Variants in CCDC60 observed in about 807,000 individuals in gnomAD.
The protein encoded by CCDC60 is coiled-coil domain-containing protein 60.
CCDC60 carries 54 observed loss-of-function variants against 63.5 expected under a neutral mutation model. That is an observed-to-expected ratio of 0.85 (90% CI 0.68 to 1.07). The LOEUF is 1.07. CCDC60 is among the 50% of genes least tolerant of loss of function. The pLI is 0.00. For missense variants in CCDC60, 651 were observed against 684.3 expected (o/e 0.95, Z 0.54); for synonymous variants, 206 against 238.8 (o/e 0.86, Z 1.27).
In CCDC60 at chr12:119,375,909, A is replaced by T. The variant is rs7973928; in HGVS notation, c.90+40643A>T. 6.7e-3 allele frequency among the ~76,000 whole-genome samples: 1,015 copies of T among 152,310 alleles called. 8 individuals carry two copies. Among genetic ancestry groups the T allele is most frequent in the African/African-American group, 0.023 (970 of 41,558 alleles). The stretch of plus-strand genomic sequence containing the variant: ...CCCTCCCTTGAAGCTCTTAGTATAA[A>T]GTCTGACAAACGTGGAGCCACCTAA... On this transcript the variant is annotated intron_variant, in intron 1 of 13. Transcript: ENST00000327554.
At chr12:119,487,507 CA>C (rs2136371922) in intron 4 of CCDC60, among the ~76,000 whole-genome samples, 1 of 152,014 alleles carries the variant, frequency 6.6e-6, no homozygotes, top group East Asian at 1.9e-4. Context: ...CCATGTTGGC[CA>C]GGCTGGTCTT....
intron 1 of CCDC60, among the ~76,000 whole-genome samples, chr12:119,366,472 C>CA (rs1565972831): frequency 6.6e-6 from 1 of 152,178 alleles, no homozygotes; most frequent in Non-Finnish European, 1.5e-5. Context: ...CCTGAATCCA[C>CA]ACTTCTCCTG....
chr12:119,453,951 G>A (rs1233111319), intron 2 of CCDC60, among the ~76,000 whole-genome samples: 2 of 152,264 alleles, frequency 1.3e-5, no homozygotes, highest in African/African-American at 4.8e-5. Context: ...AAATGATAAT[G>A]TTACCATGTA....
At chr12:119,476,827 CAG>C (rs1442980564) in intron 3 of CCDC60, among the ~76,000 whole-genome samples, 2 of 152,174 alleles carry the variant, frequency 1.3e-5, no homozygotes, top group East Asian at 1.9e-4. Context: ...GCCTCCTCTA[CAG>C]AGTCTTTACA....
At chr12:119,475,603 A>G (rs1951158872) in intron 3 of CCDC60, among the ~76,000 whole-genome samples, 1 of 152,196 alleles carries the variant, frequency 6.6e-6, no homozygotes, top group Non-Finnish European at 1.5e-5. Flanking sequence ...AAACAGCATT[A>G]GGAGATTGTC....
chr12:119,403,083 C>G (rs1007997735), intron 1 of CCDC60, among the ~76,000 whole-genome samples: 1 of 152,186 alleles, frequency 6.6e-6, no homozygotes, highest in African/African-American at 2.4e-5. Flanking sequence ...GCAGGCTTTA[C>G]CAAGTTGATG....
In CCDC60 at chr12:119,410,708, T is replaced by C. The variant is rs7303237; in HGVS notation, c.91-17975T>C. ...CTCACCCATCACAGTTCTTGGATGA[T>C]ATCCCCATAACAAAAGACGTATTAA... is the stretch of plus-strand genomic sequence containing the variant. On this transcript the variant is annotated intron_variant, in intron 1 of 13. Coordinates refer to ENST00000327554, the MANE Select transcript of CCDC60 (RefSeq NM_178499.5). This position sits in a 1 kb window ranked among gnomAD's most constrained non-coding sequence, Gnocchi z 4.0. Among the ~76,000 whole-genome samples, 20,413 of 152,104 alleles carry C rather than the reference T, an allele frequency of 0.13. 1,727 individuals are homozygous for C. Among genetic ancestry groups the C allele is most frequent in the African/African-American group, 0.23 (9,492 of 41,454 alleles).
intron 1 of CCDC60, among the ~76,000 whole-genome samples, chr12:119,415,066 A>G (rs1367872711): frequency 1.3e-5 from 2 of 152,224 alleles, no homozygotes; most frequent in Non-Finnish European, 2.9e-5. Context: ...GCAATTCTTC[A>G]ATAATTTGTC....
rs952658968 is a variant in CCDC60 at position 119,349,266 on chromosome 12, T to C, written c.90+14000T>C. 5.9e-5 allele frequency among the ~76,000 whole-genome samples: 9 copies of C among 151,958 alleles called. No homozygotes were observed. In the East Asian group the frequency reaches 1.7e-3, roughly 29 times the overall value. On this transcript the variant is annotated intron_variant, in intron 1 of 13. Coordinates refer to ENST00000327554, the MANE Select transcript of CCDC60 (RefSeq NM_178499.5). The stretch of plus-strand genomic sequence containing the variant: ...GAAGCTTTGGGGGATAGAAAAAACA[T>C]TGACTGCATCTTATAACTGTTCACT...
intron 1 of CCDC60, among the ~76,000 whole-genome samples, chr12:119,369,380 G>T (rs1439039831): frequency 1.3e-5 from 2 of 152,186 alleles, no homozygotes; most frequent in Non-Finnish European, 2.9e-5. Context: ...CCTGGGGGAT[G>T]GGGGAAGCTT....
intron 1 of CCDC60, among the ~76,000 whole-genome samples, chr12:119,354,768 A>G (rs528113215): frequency 1.6e-3 from 241 of 152,328 alleles, no homozygotes; most frequent in Middle Eastern, 0.01. Flanking sequence ...TGCTGCTCCA[A>G]CCAGGGTCAC....
intron 2 of CCDC60, among the ~76,000 whole-genome samples, chr12:119,457,379 G>C (rs1429939941): frequency 3.3e-5 from 5 of 152,222 alleles, no homozygotes; most frequent in Non-Finnish European, 7.3e-5. Flanking sequence ...TCAGAAAGGA[G>C]AGAAATCCAT....
intron 2 of CCDC60, among the ~76,000 whole-genome samples, chr12:119,467,596 G>T (rs1950975406): frequency 6.6e-6 from 1 of 152,206 alleles, no homozygotes; most frequent in South Asian, 2.1e-4. Context: ...CTGATCTTGG[G>T]CTTCCAGCCT....
Position 119,426,397 on chromosome 12 carries a change from C to T in CCDC60, c.91-2286C>T, listed in dbSNP as rs184102924. Among the ~76,000 whole-genome samples, 213 of 151,966 alleles carry T rather than the reference C, an allele frequency of 1.4e-3. 2 individuals carry two copies. The highest frequency in any genetic ancestry group is 5.0e-3 in the Admixed American group (76 of 15,260). On this transcript the variant is annotated intron_variant, in intron 1 of 13. Coordinates refer to ENST00000327554, the MANE Select transcript of CCDC60 (RefSeq NM_178499.5). ...TTTGAGAGAGGGTCTCGCTCTGTCA[C>T]CAGGCTGCACTGCAGTGGCGCGATC... is the stretch of plus-strand genomic sequence containing the variant.
At chr12:119,528,916 C>T (rs1952764177) in intron 12 of CCDC60, among the ~76,000 whole-genome samples, 170 bp downstream of exon 12, 1 of 152,078 alleles carries the variant, frequency 6.6e-6, no homozygotes, top group Admixed American at 6.5e-5. Context: ...AAATCCAGAG[C>T]ACAATCAGGC....
intron 1 of CCDC60, among the ~76,000 whole-genome samples, chr12:119,428,276 G>T (rs1956934608): frequency 6.6e-6 from 1 of 152,176 alleles, no homozygotes; most frequent in South Asian, 2.1e-4. Flanking sequence ...TTGCTCTAAA[G>T]TGTAATGCTT....
At chr12:119,341,902 C>A (rs1955536854) in intron 1 of CCDC60, among the ~76,000 whole-genome samples, 1 of 152,112 alleles carries the variant, frequency 6.6e-6, no homozygotes, top group Non-Finnish European at 1.5e-5. Flanking sequence ...GGTTTGAGTT[C>A]CTTGGATTTA....
At chr12:119,485,880 C>A (rs978508574) in intron 4 of CCDC60, among the ~76,000 whole-genome samples, 7 of 152,156 alleles carry the variant, frequency 4.6e-5, no homozygotes, top group Non-Finnish European at 1.0e-4. Flanking sequence ...TTGTCATCTG[C>A]AGAAATGAAT....
intron 6 of CCDC60, among the ~76,000 whole-genome samples, chr12:119,501,323 C>T (rs1951845181): frequency 6.6e-6 from 1 of 152,140 alleles, no homozygotes; most frequent in African/African-American, 2.4e-5. Flanking sequence ...TCCAGTTATG[C>T]CCTCTTAATA....
Sources: gnomAD v4.1 joint callset for allele counts (sites outside exome capture counted in the v4.1 genomes callset) on GRCh38, gnomAD v4.1.1 for gene constraint, Gnocchi (gnomAD v3.1) non-coding constraint, MANE v1.5 for transcripts, NCBI Gene and HGNC (gene_info 2026-07-23, HGNC 2026-07-21) for gene names.